SSC4D: variants seen among roughly 807,000 people sequenced by gnomAD.
The protein encoded by SSC4D is scavenger receptor cysteine-rich domain-containing group B protein.
In SSC4D, 57 loss-of-function variants were observed where a neutral mutation model predicts 63.4. The observed-to-expected ratio is 0.90, with a 90% CI of 0.73 to 1.12. The LOEUF (loss-of-function observed/expected upper bound fraction) is 1.12. SSC4D is among the 50% of genes most tolerant of loss of function. The pLI is 0.00. For synonymous variants in SSC4D, 352 were observed against 345.4 expected, an observed-to-expected ratio of 1.02 and a Z score of -0.21; for missense variants, 791 against 806.4, an observed-to-expected ratio of 0.98 and a Z score of 0.23.
chr7:76,397,641 C>T lies in SSC4D; in HGVS notation c.745G>A (p.Gly249Arg), dbSNP rs868837659. The T allele has an allele frequency of 5.0e-6, 8 of 1,613,622 alleles. No homozygotes were observed. Among genetic ancestry groups the T allele is most frequent in the South Asian group, 4.4e-5 (4 of 91,074 alleles). Residue 249 changes from glycine (G) to arginine (R), a missense_variant, in exon 6 of 11, where the codon GGA (glycine) becomes AGA (arginine). Gly to Arg is a moderately radical substitution (Grantham distance 125). Coordinates refer to ENST00000275560, the MANE Select transcript of SSC4D (RefSeq NM_080744.2). ...TTNAFFGYGT[G>R]HILLDNVHCE... ...TGCACGTTGTCCAGCAGGATGTGTCCGGTGCCATAGCCGAAGAAGGCGTTG... is the reference window on the plus strand; with the variant it reads ...TGCACGTTGTCCAGCAGGATGTGTCTGGTGCCATAGCCGAAGAAGGCGTTG...
chr7:76,394,801 T>G (rs939017484), intron 7 of SSC4D, among the ~76,000 whole-genome samples: 2 of 101,554 alleles, frequency 2.0e-5, no homozygotes, highest in African/African-American at 3.2e-5. Flanking sequence ...TATATATAAA[T>G]ATATAAAATA....
At chr7:76,394,024 T>G in intron 7 of SSC4D, 120 bp from the exon 8 acceptor site, 1 of 996,854 alleles carries the variant, frequency 1.0e-6, no homozygotes, top group South Asian at 1.7e-5. Context: ...CCCACTCAGC[T>G]GCAACCCCAG....
intron 9 of SSC4D, among the ~76,000 whole-genome samples, chr7:76,392,254 G>C (rs553959424): frequency 1.6e-4 from 24 of 152,214 alleles, no homozygotes; most frequent in African/African-American, 5.8e-4. Flanking sequence ...AGCACTTTAA[G>C]AGGTCAAAGT....
Position 76,390,137 on chromosome 7 carries a change from CAGCAG to C in SSC4D, c.1645_1649del (p.Leu549AlafsTer13), listed in dbSNP as rs1385120172. 6.2e-7 allele frequency: 1 copy of C among 1,614,232 alleles called. No homozygotes were observed. The highest frequency in any genetic ancestry group is 1.7e-5 in the Admixed American group (1 of 60,016). ...CATCCCAGCGGATATGAGAGCAGAG[CAGCAG>C]AGCACTTTCTTCCCCACGGCACTTG... On this transcript the variant is annotated frameshift_variant, in exon 11 of 11. Coordinates refer to ENST00000275560, the MANE Select transcript of SSC4D (RefSeq NM_080744.2). LOFTEE classifies it high-confidence loss of function.
rs1322352298 is a variant in SSC4D, at chr7:76,400,636, C to T, written c.170-45G>A. ...GGCACCAGGGGGTCACTGAGTCCAACCTCCAGCATGCCCACTCCAGGATGT... is the reference window on the plus strand; with the variant it reads ...GGCACCAGGGGGTCACTGAGTCCAATCTCCAGCATGCCCACTCCAGGATGT... On this transcript the variant is annotated intron_variant, in intron 3 of 10. Transcript: ENST00000275560. The T allele has an allele frequency of 3.5e-6, 5 of 1,419,462 alleles. No homozygotes were observed. In the African/African-American group the frequency reaches 7.3e-5, roughly 21 times the overall value. 87.9% of individuals were successfully genotyped at this position (1,419,462 alleles called of 1,614,324 possible). A position where few individuals can be genotyped will look rare whatever the true frequency, so the allele number is the denominator to read the frequency against.
At position 76,393,688 on chromosome 7, in the gene SSC4D, C is replaced by A; in HGVS notation, c.1050G>T (p.Pro350=). 2 of 1,403,078 alleles carry A rather than the reference C, an allele frequency of 1.4e-6. No homozygotes were observed. The highest frequency in any genetic ancestry group is 1.6e-5 in the South Asian group (1 of 63,700). 86.9% of individuals were successfully genotyped at this position (1,403,078 alleles called of 1,614,324 possible). ...CCTCCACGCGGCCGCGGCACGGACC[C>A]GGGCCGCCCACCAGTCGCAGCCGTC... ...KSGRLRLVGG[P]GPCRGRVEVL... is the part of the protein sequence containing the mutation. Residue 350 remains proline, a synonymous_variant, in exon 9 of 11, where the codon CCG becomes CCT. Coordinates refer to ENST00000275560, the MANE Select transcript of SSC4D (RefSeq NM_080744.2).
chr7:76,394,573 A>G (rs1165128566), intron 7 of SSC4D, among the ~76,000 whole-genome samples: 3 of 149,824 alleles, frequency 2.0e-5, no homozygotes, highest in Non-Finnish European at 3.0e-5. Context: ...TAATTTTTGT[A>G]TTTTTATTTA....
chr7:76,389,556 G>GC lies in SSC4D; in HGVS notation c.*502dup, dbSNP rs1563678171. 6.4e-6 allele frequency: 1 copy of GC among 157,148 alleles called. No homozygotes were observed. The highest frequency in any genetic ancestry group is 1.4e-5 in the Non-Finnish European group (1 of 70,772). The allele number at this position is 157,148 out of a possible 1,614,324, so 9.7% of individuals were successfully genotyped here. On this transcript the variant is annotated 3_prime_UTR_variant, in exon 11 of 11. Coordinates refer to ENST00000275560, the MANE Select transcript of SSC4D (RefSeq NM_080744.2). ...ACCATCTGAGTTAGTCCAGGCCCTC[G>GC]CGGAGCAGGGCAGGACAGGGACCCA...
intron 1 of SSC4D, among the ~76,000 whole-genome samples, chr7:76,405,351 T>TTG (rs1804987837): frequency 9.7e-6 from 1 of 103,620 alleles, no homozygotes; most frequent in African/African-American, 3.6e-5. Context: ...TTTTTTTTTT[T>TTG]TTTTTTTTTT....
At position 76,405,292 on chromosome 7, in the gene SSC4D, TA is replaced by T. The variant is rs1318244609; in HGVS notation, c.-66-788del. 3.4e-3 allele frequency among the ~76,000 whole-genome samples: 146 copies of T among 42,936 alleles called. 5 individuals carry two copies. Among genetic ancestry groups the T allele is most frequent in the African/African-American group, 0.017 (141 of 8,502 alleles). The allele number at this position is 42,936 out of a possible 152,430, so 28.2% of individuals were successfully genotyped here. ...CTAATTATATATATATATATATATATATATATATATATATATATATATATGT... is the reference window on the plus strand; with the variant it reads ...CTAATTATATATATATATATATATATTATATATATATATATATATATATGT... On this transcript the variant is annotated intron_variant, in intron 1 of 10. Transcript: ENST00000275560.
At chr7:76,397,980 G>C in intron 5 of SSC4D, 148 bp from the exon 6 acceptor site, 5 of 822,558 alleles carry the variant, frequency 6.1e-6, no homozygotes, top group Non-Finnish European at 7.4e-6. Context: ...GGTCCAGACT[G>C]GGGGTAGCTT....
At chr7:76,391,312 A>G (rs1460636777) in intron 10 of SSC4D, among the ~76,000 whole-genome samples, 1 of 151,802 alleles carries the variant, frequency 6.6e-6, no homozygotes, top group African/African-American at 2.4e-5. Flanking sequence ...GTGGTGGCAC[A>G]TGTCTATAAT....
At position 76,404,377 on chromosome 7, in the gene SSC4D, C is replaced by A. The variant is rs772281709; in HGVS notation, c.63G>T (p.Arg21Ser). ...GAGGGGCAGCACTCCCATCTCCCAACCTCCACCCCCAGCGCTTCTCATCCA... is the reference window on the plus strand; with the variant it reads ...GAGGGGCAGCACTCCCATCTCCCAAACTCCACCCCCAGCGCTTCTCATCCA... ...PQLDEKRWGWRLGDGSAAPPF... is the reference protein window; with the variant it reads ...PQLDEKRWGWSLGDGSAAPPF... The change falls in exon 2 of 11, where the codon AGG (arginine) becomes AGT (serine). Residue 21 changes from arginine to serine, a missense_variant. Transcript: ENST00000275560. The A allele has an allele frequency of 9.9e-6, 16 of 1,613,742 alleles. No homozygotes were observed. Among genetic ancestry groups the A allele is most frequent in the Non-Finnish European group, 1.3e-5 (15 of 1,179,954 alleles).
rs762520881 is a variant in SSC4D, at chr7:76,397,590, C to T, written c.796G>A (p.Ala266Thr). ...VHCEGGEPRL[A>T]ACQSLGWGVH... ...CCCCAGCCCAGGCTCTGGCAGGCTG[C>T]CAGGCGGGGCTCGCCGCCTTCGCAG... The change falls in exon 6 of 11, where the codon GCA (alanine) becomes ACA (threonine). Residue 266 changes from alanine (A) to threonine (T), a missense_variant. Ala to Thr is a moderately conservative substitution (Grantham distance 58, BLOSUM62 0). Coordinates refer to ENST00000275560, the MANE Select transcript of SSC4D (RefSeq NM_080744.2). 5.6e-6 allele frequency: 9 copies of T among 1,610,850 alleles called. No individual in the cohort carries two copies. The highest frequency in any genetic ancestry group is 1.7e-5 in the Admixed American group (1 of 59,576).
intron 9 of SSC4D, 92 bp downstream of exon 9, chr7:76,393,313 G>T (rs1804539207): frequency 8.1e-7 from 1 of 1,240,098 alleles, no homozygotes; most frequent in South Asian, 2.8e-5. Flanking sequence ...CGGCAGTGCC[G>T]CAAGAGAGGC....
intron 1 of SSC4D, among the ~76,000 whole-genome samples, chr7:76,407,772 A>G (rs934619300): frequency 6.6e-6 from 1 of 152,226 alleles, no homozygotes; most frequent in Non-Finnish European, 1.5e-5. Context: ...CCATGAGCTT[A>G]GAGCTCAAAG....
chr7:76,402,156 A>T (rs1254322604), intron 2 of SSC4D, among the ~76,000 whole-genome samples: 5 of 149,620 alleles, frequency 3.3e-5, no homozygotes, highest in Admixed American at 2.0e-4. Flanking sequence ...AATAGCTGGG[A>T]CAAGCTCCTG....
chr7:76,406,422 T>C (rs1228694421), intron 1 of SSC4D, among the ~76,000 whole-genome samples: 1 of 152,214 alleles, frequency 6.6e-6, no homozygotes, highest in Non-Finnish European at 1.5e-5. Context: ...TTTCCGTTTA[T>C]CAGAACAATA....
chr7:76,397,809 C>T lies in SSC4D; in HGVS notation c.577G>A (p.Gly193Arg). 6.3e-6 allele frequency: 10 copies of T among 1,594,834 alleles called. No individual in the cohort carries two copies. Among genetic ancestry groups the T allele is most frequent in the South Asian group, 1.1e-5 (1 of 89,940 alleles). Residue 193 changes from glycine (G) to arginine (R), a missense_variant, in exon 6 of 11, where the codon GGG becomes AGG. Physicochemically the swap from Gly to Arg is moderately radical, Grantham distance 125. Transcript: ENST00000275560. The part of the protein sequence containing the change: ...GKSEGSVRLV[G>R]GANLCQGRVE... Reference sequence around the variant, plus strand: ...CGGCCCTGACACAGGTTCGCGCCCCCTACCAGGCGTACGCTGCCCTCACCT... The same window carrying T: ...CGGCCCTGACACAGGTTCGCGCCCCTTACCAGGCGTACGCTGCCCTCACCT...
Sources: allele counts gnomAD v4.1 joint callset (sites outside exome capture counted in the v4.1 genomes callset), GRCh38; gene constraint gnomAD v4.1.1; transcripts MANE v1.5; gene names NCBI Gene and HGNC (gene_info 2026-07-23, HGNC 2026-07-21).